GALNT9: variants seen among roughly 807,000 people sequenced by gnomAD.
GALNT9 encodes GalNAc transferase 9.
In GALNT9, 47 loss-of-function variants were observed where a neutral mutation model predicts 63.1. The observed-to-expected ratio is 0.75, with a 90% CI of 0.59 to 0.95. GALNT9 has a LOEUF of 0.95. GALNT9 is among the 40% of genes least tolerant of loss of function. GALNT9 has a pLI of 0.00. For synonymous variants in GALNT9, 396 were observed against 365.7 expected (o/e 1.08, Z -0.94); for missense variants, 829 against 874.8 (o/e 0.95, Z 0.66).
In GALNT9 at chr12:132,329,500, C is replaced by T. The variant is rs1371284707; in HGVS notation, c.-297G>A. Among the ~76,000 whole-genome samples, 1 of 147,094 alleles carries T rather than the reference C, an allele frequency of 6.8e-6. No homozygotes were observed. Among genetic ancestry groups the T allele is most frequent in the Non-Finnish European group, 1.5e-5 (1 of 66,062 alleles). On this transcript the variant is annotated 5_prime_UTR_variant, in exon 1 of 11. Transcript: ENST00000328957. ...GAGGGGGGCCGGGGGCGCCGGGGGG[C>T]GGCGGGGAAGGCGCGGGCGGGCGGC...
intron 6 of GALNT9, among the ~76,000 whole-genome samples, chr12:132,226,047 CACACACCCCACACTGTACAT>C (rs1877666992): frequency 7.7e-6 from 1 of 130,392 alleles, no homozygotes; most frequent in East Asian, 2.6e-4. Context: ...ACACACTATA[CACACACCCCACACTGTACAT>C]ACACATCCCA....
At chr12:132,323,895 G>A (rs1868915321) in intron 1 of GALNT9, among the ~76,000 whole-genome samples, 2 of 152,228 alleles carry the variant, frequency 1.3e-5, no homozygotes, top group African/African-American at 4.8e-5. Flanking sequence ...TGCCGGGGCC[G>A]GGACTGAAGC....
At chr12:132,321,940 C>T (rs879966912) in intron 1 of GALNT9, among the ~76,000 whole-genome samples, 62 of 151,684 alleles carry the variant, frequency 4.1e-4, no homozygotes, top group Non-Finnish European at 8.0e-4. Context: ...TCCCCAGCCC[C>T]CGCCTCGGCC....
At chr12:132,198,690 T>C (rs1318307220) in intron 9 of GALNT9, among the ~76,000 whole-genome samples, 1 of 152,134 alleles carries the variant, frequency 6.6e-6, no homozygotes, top group African/African-American at 2.4e-5. Flanking sequence ...ACGGTCTCGC[T>C]CTGTTGCCCA....
At chr12:132,220,560 C>T (rs1877407824) in intron 6 of GALNT9, among the ~76,000 whole-genome samples, 1 of 152,198 alleles carries the variant, frequency 6.6e-6, no homozygotes, top group Non-Finnish European at 1.5e-5. Flanking sequence ...GCAAGTGGCT[C>T]GAATTGCTGT....
intron 2 of GALNT9, among the ~76,000 whole-genome samples, chr12:132,271,668 G>A (rs1879871784): frequency 6.6e-6 from 1 of 152,202 alleles, no homozygotes; most frequent in Non-Finnish European, 1.5e-5. Flanking sequence ...GTGCCTTGCC[G>A]TGATGCTCCG....
intron 2 of GALNT9, among the ~76,000 whole-genome samples, chr12:132,276,693 A>G (rs1463279179): frequency 6.6e-6 from 1 of 152,120 alleles, no homozygotes; most frequent in Non-Finnish European, 1.5e-5. Context: ...CTTAATTTGG[A>G]TTTGCCAGTC....
At chr12:132,278,979 GCCCAGCCCAT>G (rs60873838) in intron 2 of GALNT9, 10,884 of 151,328 alleles carry the variant, frequency 0.072, 1,322 homozygotes, top group African/African-American at 0.25. Context: ...CCATCACCCA[GCCCAGCCCAT>G]CCCATCCCAA....
intron 1 of GALNT9, among the ~76,000 whole-genome samples, chr12:132,324,530 G>C (rs556604876): frequency 6.6e-6 from 1 of 152,338 alleles, no homozygotes; most frequent in Admixed American, 6.5e-5. Context: ...AGGCAGTGTG[G>C]GCCGACTGCC....
chr12:132,215,904 T>G (rs1877166946), intron 6 of GALNT9, among the ~76,000 whole-genome samples: 1 of 151,998 alleles, frequency 6.6e-6, no homozygotes, highest in Admixed American at 6.6e-5. Flanking sequence ...GGGGTGCTTC[T>G]GGGCCAGGCC....
chr12:132,287,308 T>C (rs1254462516), intron 1 of GALNT9, among the ~76,000 whole-genome samples: 1 of 152,134 alleles, frequency 6.6e-6, no homozygotes, highest in East Asian at 1.9e-4. Flanking sequence ...AACCCGAAAC[T>C]GCTCTGATGG....
rs372642214 is a variant in GALNT9 at position 132,201,145 on chromosome 12, G to A, written c.1380C>T (p.Asn460=). 3.7e-6 allele frequency: 6 copies of A among 1,613,208 alleles called. No individual in the cohort carries two copies. The African/African-American group carries it at 6.7e-5, about 18-fold the overall frequency. The change falls in exon 8 of 11, where the codon AAC becomes AAT. Residue 460 remains asparagine (N), a synonymous_variant. Coordinates refer to ENST00000328957, the MANE Select transcript of GALNT9 (RefSeq NM_001122636.2). ...CTACCTCTCCGTACGTGAGGGTGTTGTTGTAGACCCTCATCTCCGGGTACA... is the reference window on the plus strand; with the variant it reads ...CTACCTCTCCGTACGTGAGGGTGTTATTGTAGACCCTCATCTCCGGGTACA... ...ENVYPEMRVY[N]NTLTYGEVRN...
Position 132,260,947 on chromosome 12 carries a change from C to A in GALNT9, c.761+1G>T, listed in dbSNP as rs1459448571. 2 of 1,537,694 alleles carry A rather than the reference C, an allele frequency of 1.3e-6. No individual in the cohort carries two copies. Among genetic ancestry groups the A allele is most frequent in the Non-Finnish European group, 1.8e-6 (2 of 1,141,832 alleles). On this transcript the variant is annotated splice_donor_variant, in intron 4 of 10. Transcript: ENST00000328957. LOFTEE classifies it high-confidence loss of function. ...GCTGTCCAGCCTGTTCCGGCCCTTACCAGCCCGTGTTGAACTCGACGTGGG... is the reference window on the plus strand; with the variant it reads ...GCTGTCCAGCCTGTTCCGGCCCTTAACAGCCCGTGTTGAACTCGACGTGGG...
chr12:132,262,406 C>T (rs1430146328), intron 3 of GALNT9, 53 bp downstream of exon 3: 130 of 1,515,692 alleles, frequency 8.6e-5, no homozygotes, highest in Non-Finnish European at 1.1e-4. Flanking sequence ...CCAACTCAAC[C>T]CAGCCACAGG....
At chr12:132,260,861 C>T (rs1404243052) in intron 4 of GALNT9, 87 bp downstream of exon 4, 2 of 1,433,606 alleles carry the variant, frequency 1.4e-6, no homozygotes, top group African/African-American at 2.9e-5. Context: ...AACCCAGCGG[C>T]CAGGCTGCAG....
At position 132,286,473 on chromosome 12, in the gene GALNT9, C is replaced by T. The variant is rs781805795; in HGVS notation, c.239-43G>A. 25 of 1,519,292 alleles carry T rather than the reference C, an allele frequency of 1.6e-5. No individual in the cohort carries two copies. The highest frequency in any genetic ancestry group is 9.7e-5 in the African/African-American group (7 of 72,046). The allele number at this position is 1,519,292 out of a possible 1,614,324, so 94.1% of individuals were successfully genotyped here. On this transcript the variant is annotated intron_variant, in intron 1 of 10. Transcript: ENST00000328957. This position sits in a 1 kb window ranked among gnomAD's most constrained non-coding sequence, Gnocchi z 7.4. ...AGGGAGGTCAGGCAGGCCCAGGACA[C>T]GCTGCGTCTGCACCCAGGAGACGCC... is the stretch of plus-strand genomic sequence containing the variant.
Position 132,257,772 on chromosome 12 carries a change from A to G in GALNT9, c.876T>C (p.His292=). 6.4e-7 allele frequency: 1 copy of G among 1,550,444 alleles called. No individual in the cohort carries two copies. The highest frequency in any genetic ancestry group is 8.7e-7 in the Non-Finnish European group (1 of 1,146,836). Residue 292 remains histidine, a synonymous_variant, in exon 5 of 11, where the codon CAT becomes CAC. Coordinates refer to ENST00000328957, the MANE Select transcript of GALNT9 (RefSeq NM_001122636.2). The part of the protein sequence containing the change: ...FEVQQYANAA[H]GYNWGLWCMY... ...TGCACCAGAGGCCCCAGTTGTAGCC[A>G]TGGGCGGCGTTCGCATACTGCTGCA...
At position 132,315,733 on chromosome 12, in the gene GALNT9, C is replaced by A. The variant is rs578229539; in HGVS notation, c.238+13233G>T. Reference sequence around the variant, plus strand: ...TCCACACTCAGCCCTGGTGTCCTTGCGGGAACACAGGGTCCAGAGACGGCC... The same window carrying A: ...TCCACACTCAGCCCTGGTGTCCTTGAGGGAACACAGGGTCCAGAGACGGCC... On this transcript the variant is annotated intron_variant, in intron 1 of 10. Transcript: ENST00000328957. This position sits in a 1 kb window ranked among gnomAD's most constrained non-coding sequence, Gnocchi z 6.1. Among the ~76,000 whole-genome samples the A allele has an allele frequency of 4.5e-4, 69 of 152,258 alleles. No homozygotes were observed. Among genetic ancestry groups the A allele is most frequent in the African/African-American group, 1.6e-3 (68 of 41,534 alleles).
chr12:132,254,781 C>G (rs567393351), intron 5 of GALNT9, among the ~76,000 whole-genome samples: 1 of 152,212 alleles, frequency 6.6e-6, no homozygotes, highest in Admixed American at 6.5e-5. Context: ...CTCCCTCTCC[C>G]GTAAGGACCC....
Sources: allele counts gnomAD v4.1 joint callset (sites outside exome capture counted in the v4.1 genomes callset), GRCh38; gene constraint gnomAD v4.1.1; non-coding constraint Gnocchi (gnomAD v3.1); transcripts MANE v1.5; gene names NCBI Gene and HGNC (gene_info 2026-07-23, HGNC 2026-07-21).